The following SEC23B variants were observed in gnomAD, a reference collection of about 807,000 sequenced individuals.
The protein encoded by SEC23B is protein transport protein Sec23B.
Under a neutral mutation model 104.3 loss-of-function variants are expected in SEC23B, and 77 were observed. The observed-to-expected ratio is 0.74, with a 90% CI of 0.61 to 0.89. SEC23B has a LOEUF of 0.89. Ranked by LOEUF, SEC23B falls within the 40% of genes least tolerant of loss-of-function variation. The pLI is 0.00. For synonymous variants in SEC23B, 338 were observed against 332.5 expected (o/e 1.02, Z -0.18); for missense variants, 885 against 949.4 (o/e 0.93, Z 0.89).
At chr20:18,523,397 C>CTTTTTTTTTTTTTTTTTTT (rs112136906) in intron 4 of SEC23B, among the ~76,000 whole-genome samples, 3 of 130,554 alleles carry the variant, frequency 2.3e-5, no homozygotes, top group Non-Finnish European at 3.1e-5. Context: ...TCTTTCCTTT[C>CTTTTTTTTTTTTTTTTTTT]TTTTTTTTTT....
chr20:18,520,599 T>A (rs2060074057), intron 4 of SEC23B, among the ~76,000 whole-genome samples: 1 of 151,940 alleles, frequency 6.6e-6, no homozygotes, highest in Non-Finnish European at 1.5e-5. Flanking sequence ...TGAGGATAAC[T>A]AAAAAGGAGT....
chr20:18,554,228 T>C lies in SEC23B; in HGVS notation c.1993-7T>C. 1.2e-6 allele frequency: 2 copies of C among 1,614,208 alleles called. No individual in the cohort carries two copies. The highest frequency in any genetic ancestry group is 2.2e-5 in the East Asian group (1 of 44,880). On this transcript the variant is annotated splice_region_variant and splice_polypyrimidine_tract_variant and intron_variant, in intron 17 of 19. Transcript: ENST00000650089. Reference sequence around the variant, plus strand: ...ACAATAGTTTTGGTTGGTTTGTTTCTGTGTAGACCATAGCCCAGTGGCGTA... The same window carrying C: ...ACAATAGTTTTGGTTGGTTTGTTTCCGTGTAGACCATAGCCCAGTGGCGTA...
At chr20:18,527,407 T>C (rs1267248784) in intron 8 of SEC23B, 89 bp from the exon 9 acceptor site, 1 of 821,016 alleles carries the variant, frequency 1.2e-6, no homozygotes, top group East Asian at 2.4e-5. Flanking sequence ...ATTTACATGT[T>C]TTTATATTTG....
chr20:18,537,416 A>G (rs2060242574), intron 12 of SEC23B, among the ~76,000 whole-genome samples: 1 of 151,706 alleles, frequency 6.6e-6, no homozygotes, highest in African/African-American at 2.4e-5. Flanking sequence ...AGCCATAAAA[A>G]ACGATGAGTT....
Position 18,530,761 on chromosome 20 carries a change from T to G in SEC23B, c.1191T>G (p.Asn397Lys), listed in dbSNP as rs1320815642. ...AAAGAATCTTTACTAAAGATTTTAA[T>G]GGAGATTTCCGAATGGCATTTGGTG... is the stretch of plus-strand genomic sequence containing the variant. Reference protein sequence around the residue: ...TFQRIFTKDFNGDFRMAFGAT... With the variant: ...TFQRIFTKDFKGDFRMAFGAT... The change falls in exon 10 of 20, where the codon AAT (asparagine) becomes AAG (lysine). Residue 397 changes from asparagine to lysine, a missense_variant. Coordinates refer to ENST00000650089, the MANE Select transcript of SEC23B (RefSeq NM_006363.6). 2.5e-6 allele frequency: 4 copies of G among 1,613,458 alleles called. No homozygotes were observed. Among genetic ancestry groups the G allele is most frequent in the Non-Finnish European group, 3.4e-6 (4 of 1,179,664 alleles).
chr20:18,548,040 C>T lies in SEC23B; in HGVS notation c.1744-569C>T, dbSNP rs183899934. On this transcript the variant is annotated intron_variant, in intron 15 of 19. Coordinates refer to ENST00000650089, the MANE Select transcript of SEC23B (RefSeq NM_006363.6). ...GATCTCAGCTCACCGCAACCTCCCC[C>T]TACTGGGTTCAAGTGATTTTCCTGC... Among the ~76,000 whole-genome samples, 365 of 152,288 alleles carry T rather than the reference C, an allele frequency of 2.4e-3. 1 individual carries two copies. The highest frequency in any genetic ancestry group is 8.2e-3 in the African/African-American group (342 of 41,566).
intron 3 of SEC23B, 54 bp downstream of exon 3, chr20:18,512,336 A>G: frequency 8.5e-7 from 1 of 1,175,752 alleles, no homozygotes; most frequent in Non-Finnish European, 1.2e-6. Context: ...TTGTATTATG[A>G]AAAAAATTAA....
At chr20:18,521,449 A>T (rs970091568) in intron 4 of SEC23B, among the ~76,000 whole-genome samples, 1 of 152,318 alleles carries the variant, frequency 6.6e-6, no homozygotes, top group Non-Finnish European at 1.5e-5. Flanking sequence ...TCTGATGAAA[A>T]AGAGCCTAAA....
chr20:18,526,171 A>T (rs1307228873), intron 7 of SEC23B, among the ~76,000 whole-genome samples: 1 of 152,222 alleles, frequency 6.6e-6, no homozygotes, highest in East Asian at 1.9e-4. Context: ...CAAACAGCGA[A>T]TTAATAAAAC....
At chr20:18,520,562 C>A (rs755768416) in intron 4 of SEC23B, among the ~76,000 whole-genome samples, 4 of 152,004 alleles carry the variant, frequency 2.6e-5, no homozygotes, top group Non-Finnish European at 5.9e-5. Context: ...GTTAAAATGT[C>A]TCGACCTAAT....
chr20:18,524,416 T>G lies in SEC23B; in HGVS notation c.367-17T>G. 1 of 1,587,738 alleles carries G rather than the reference T, an allele frequency of 6.3e-7. No individual in the cohort carries two copies. On this transcript the variant is annotated splice_polypyrimidine_tract_variant and intron_variant, in intron 4 of 19. Transcript: ENST00000650089. ...TATTTGTATATTGATCATTATGCTG[T>G]TTTTCTTTGCCCAAAGCGAGGTGCT...
chr20:18,560,789 T>A lies in SEC23B; in HGVS notation c.*49T>A. 1 of 1,390,722 alleles carries A rather than the reference T, an allele frequency of 7.2e-7. No homozygotes were observed. The highest frequency in any genetic ancestry group is 1.0e-6 in the Non-Finnish European group (1 of 976,104). The allele number at this position is 1,390,722 out of a possible 1,614,324, so 86.1% of individuals were successfully genotyped here. On this transcript the variant is annotated 3_prime_UTR_variant, in exon 20 of 20. Transcript: ENST00000650089. ...CAACGGTGTCAGATTGTGTTCAAAA[T>A]GTCTAGAAAGGCTTGATAACATTCC...
intron 1 of SEC23B, chr20:18,508,261 C>T (rs2059949040): frequency 6.6e-6 from 1 of 152,174 alleles, no homozygotes; most frequent in Admixed American, 6.5e-5. Context: ...ACAAGTGAAA[C>T]GACTTTTGCT....
rs2060144964 is a variant in SEC23B at position 18,527,556 on chromosome 20, T to C, written c.1054T>C (p.Cys352Arg). The C allele has an allele frequency of 6.2e-7, 1 of 1,613,920 alleles. No homozygotes were observed. Among genetic ancestry groups the C allele is most frequent in the Non-Finnish European group, 8.5e-7 (1 of 1,179,762 alleles). The part of the protein sequence containing the change: ...ANGHCIDIYA[C>R]ALDQTGLLEM... The stretch of plus-strand genomic sequence containing the variant: ...TGGTCACTGCATTGATATTTATGCT[T>C]GTGCCCTTGATCAAACTGGACTTTT... The change falls in exon 9 of 20, where the codon TGT becomes CGT. Residue 352 changes from cysteine to arginine, a missense_variant. By Grantham distance (180) the Cys-to-Arg change is radical. Coordinates refer to ENST00000650089, the MANE Select transcript of SEC23B (RefSeq NM_006363.6).
At chr20:18,511,142 G>T in intron 2 of SEC23B, 86 bp downstream of exon 2, 2 of 1,143,412 alleles carry the variant, frequency 1.7e-6, no homozygotes, top group Non-Finnish European at 2.6e-6. Flanking sequence ...ATTAAATTTG[G>T]GCAGGTCATC....
intron 11 of SEC23B, among the ~76,000 whole-genome samples, chr20:18,533,278 A>G (rs1358096570): frequency 6.6e-6 from 1 of 152,160 alleles, no homozygotes; most frequent in Non-Finnish European, 1.5e-5. Flanking sequence ...ATTTGAGATG[A>G]GCGGCTTTGC....
Position 18,527,593 on chromosome 20 carries a change from G to A in SEC23B, c.1091G>A (p.Cys364Tyr). 2 of 1,604,712 alleles carry A rather than the reference G, an allele frequency of 1.2e-6. No homozygotes were observed. Among genetic ancestry groups the A allele is most frequent in the Non-Finnish European group, 1.7e-6 (2 of 1,171,420 alleles). Residue 364 changes from cysteine to tyrosine, a missense_variant, in exon 9 of 20, where the codon TGT (cysteine) becomes TAT (tyrosine). Coordinates refer to ENST00000650089, the MANE Select transcript of SEC23B (RefSeq NM_006363.6). The stretch of plus-strand genomic sequence containing the variant: ...CAAACTGGACTTTTGGAGATGAAGT[G>A]TTGTGCAAATCTTACTGGGTATGTT... ...LDQTGLLEMK[C>Y]CANLTGGYMV...
intron 17 of SEC23B, among the ~76,000 whole-genome samples, chr20:18,552,449 A>G (rs2060396187): frequency 6.6e-6 from 1 of 152,164 alleles, no homozygotes; most frequent in South Asian, 2.1e-4. Flanking sequence ...CACGGGTTCC[A>G]CCTCTGCAGA....
rs113907741 is a variant in SEC23B, at chr20:18,527,429, C to T, written c.994-67C>T. The T allele has an allele frequency of 3.5e-5, 30 of 869,324 alleles. 1 individual carries two copies. The highest frequency in any genetic ancestry group is 2.0e-4 in the African/African-American group (12 of 60,808). 53.9% of individuals were successfully genotyped at this position (869,324 alleles called of 1,614,324 possible). A position where few individuals can be genotyped will look rare whatever the true frequency, so the allele number is the denominator to read the frequency against. On this transcript the variant is annotated intron_variant, in intron 8 of 19. Coordinates refer to ENST00000650089, the MANE Select transcript of SEC23B (RefSeq NM_006363.6). ...TGTTTTTATATTTGATTACCTCCTT[C>T]GGTAATTCAGGCATACCTTGGGAAT... is the stretch of plus-strand genomic sequence containing the variant.
Sources: gnomAD v4.1 joint callset for allele counts (sites outside exome capture counted in the v4.1 genomes callset) on GRCh38, gnomAD v4.1.1 for gene constraint, MANE v1.5 for transcripts, NCBI Gene and HGNC (gene_info 2026-07-23, HGNC 2026-07-21) for gene names.